Variants in NFU1 observed in about 807,000 individuals in gnomAD.
The protein encoded by NFU1 is NFU1 iron-sulfur cluster scaffold homolog, mitochondrial.
In NFU1, 30 loss-of-function variants were observed where a neutral mutation model predicts 32.2. The observed-to-expected ratio is 0.93, with a 90% confidence interval of 0.70 to 1.26. NFU1 has a LOEUF of 1.26. NFU1 is among the 50% of genes most tolerant of loss of function. The pLI, the probability that NFU1 is intolerant of heterozygous loss-of-function variation, is 0.00. For missense variants in NFU1, 306 were observed against 306.6 expected (o/e 1.00, Z 0.02); for synonymous variants, 112 against 104.6 (o/e 1.07, Z -0.43).
At chr2:69,426,266 C>G (rs1673451232) in intron 2 of NFU1, among the ~76,000 whole-genome samples, 1 of 152,076 alleles carries the variant, frequency 6.6e-6, no homozygotes, top group Non-Finnish European at 1.5e-5. Flanking sequence ...GCCACTGTGC[C>G]TAGCCTAAAA....
chr2:69,435,749 CTTTAT>C (rs773145481), intron 1 of NFU1, among the ~76,000 whole-genome samples: 1 of 152,090 alleles, frequency 6.6e-6, no homozygotes, highest in South Asian at 2.1e-4. Context: ...GCTGTCACCA[CTTTAT>C]TTTGAGATGG....
At chr2:69,424,685 A>G (rs1342265601) in intron 2 of NFU1, among the ~76,000 whole-genome samples, 4 of 152,122 alleles carry the variant, frequency 2.6e-5, no homozygotes, top group African/African-American at 4.8e-5. Context: ...AGTCCTATAT[A>G]TAGTCTATTT....
intron 6 of NFU1, among the ~76,000 whole-genome samples, chr2:69,403,464 C>A (rs1672591167): frequency 6.6e-6 from 1 of 151,864 alleles, no homozygotes; most frequent in Non-Finnish European, 1.5e-5. Context: ...GATCACAGCC[C>A]ACTGCAGCCT....
chr2:69,439,336 A>C (rs1415143582), upstream of NFU1, among the ~76,000 whole-genome samples: 1 of 152,100 alleles, frequency 6.6e-6, no homozygotes, highest in African/African-American at 2.4e-5. Flanking sequence ...CAGTTCTTAA[A>C]GATGGTGTGT....
upstream of NFU1, among the ~76,000 whole-genome samples, chr2:69,438,279 G>GATA (rs940468629): frequency 2.0e-4 from 30 of 151,514 alleles, no homozygotes; most frequent in African/African-American, 6.5e-4. Flanking sequence ...CAGAGACAGG[G>GATA]TCTATCTCTG....
intron 6 of NFU1, among the ~76,000 whole-genome samples, chr2:69,401,432 T>C (rs572072776): frequency 3.9e-5 from 6 of 152,360 alleles, no homozygotes; most frequent in East Asian, 1.9e-4. Context: ...TTGCTGAGTA[T>C]AGTACTAGGT....
At chr2:69,435,216 T>C (rs1354567750) in intron 1 of NFU1, among the ~76,000 whole-genome samples, 1 of 152,202 alleles carries the variant, frequency 6.6e-6, no homozygotes, top group African/African-American at 2.4e-5. Context: ...ATAAACTAAA[T>C]GTCTCCCAAA....
At chr2:69,419,267 C>A (rs969708956) in intron 4 of NFU1, among the ~76,000 whole-genome samples, 11 of 151,686 alleles carry the variant, frequency 7.3e-5, no homozygotes, top group Admixed American at 2.0e-4. Flanking sequence ...GCAGAGGTGG[C>A]AGTGAGCCAA....
rs1672678369 is a variant in NFU1 at position 69,405,875 on chromosome 2, C to CAA, written c.545+145_545+146dup. ...GTAGAGAAGATACAGGCTTTAAATT[C>CAA]AATTGTCACGGCTACCTGTTGTGGT... On this transcript the variant is annotated intron_variant, in intron 6 of 7. Transcript: ENST00000410022. 4 of 611,398 alleles carry CAA rather than the reference C, an allele frequency of 6.5e-6. No individual in the cohort carries two copies. The East Asian group carries it at 1.1e-4, about 17-fold the overall frequency. 37.9% of individuals were successfully genotyped at this position (611,398 alleles called of 1,614,324 possible). A position where few individuals can be genotyped will look rare whatever the true frequency, so the allele number is the denominator to read the frequency against.
intron 4 of NFU1, among the ~76,000 whole-genome samples, chr2:69,417,070 A>G (rs1475291559): frequency 6.6e-6 from 1 of 152,190 alleles, no homozygotes; most frequent in African/African-American, 2.4e-5. Flanking sequence ...TCAGATCTTC[A>G]GTAAATAGCA....
At chr2:69,406,201 G>A in intron 5 of NFU1, 119 bp from the exon 6 acceptor site, 1 of 661,712 alleles carries the variant, frequency 1.5e-6, no homozygotes, top group Non-Finnish European at 2.7e-6. Flanking sequence ...ACTATAGAAA[G>A]AACATGTAAC....
chr2:69,419,281 C>T (rs978513117), intron 4 of NFU1, among the ~76,000 whole-genome samples: 5 of 151,752 alleles, frequency 3.3e-5, no homozygotes, highest in African/African-American at 9.7e-5. Flanking sequence ...GAGCCAAGAT[C>T]GCACCATCAC....
intron 1 of NFU1, 22 bp downstream of exon 1, chr2:69,437,339 G>C (rs748919626): frequency 6.2e-6 from 10 of 1,602,080 alleles, no homozygotes; most frequent in Non-Finnish European, 8.5e-6. Flanking sequence ...CACCTATTCG[G>C]AGCTCCAGGC....
chr2:69,434,940 C>T (rs1258232339), intron 1 of NFU1, among the ~76,000 whole-genome samples: 1 of 152,194 alleles, frequency 6.6e-6, no homozygotes, highest in Non-Finnish European at 1.5e-5. Flanking sequence ...CTCCTGAGTG[C>T]TCAGCCCGTT....
rs533412929 is a variant in NFU1 at position 69,432,052 on chromosome 2, T to G, written c.63-47A>C. 6 of 1,320,482 alleles carry G rather than the reference T, an allele frequency of 4.5e-6. No individual in the cohort carries two copies. In the African/African-American group the frequency reaches 5.8e-5, roughly 13 times the overall value. The allele number at this position is 1,320,482 out of a possible 1,614,324, so 81.8% of individuals were successfully genotyped here. On this transcript the variant is annotated intron_variant, in intron 1 of 7. Coordinates refer to ENST00000410022, the MANE Select transcript of NFU1 (RefSeq NM_001002755.4). ...GAATGACATTTTAAGAGCTCTAATC[T>G]TTTAAAGTTGGTTTCTACTTCTCAT...
intron 3 of NFU1, among the ~76,000 whole-genome samples, chr2:69,419,868 C>G (rs1673182815): frequency 1.3e-5 from 2 of 152,166 alleles, no homozygotes; most frequent in South Asian, 4.1e-4. Context: ...AAAATAGCCA[C>G]ACATACAGAA....
intron 1 of NFU1, 111 bp downstream of exon 1, chr2:69,437,250 T>C: frequency 6.6e-7 from 1 of 1,504,558 alleles, no homozygotes; most frequent in Admixed American, 2.2e-5. Context: ...ACCCGCCGGC[T>C]CCATCAGATG....
At chr2:69,404,638 T>TTTTTTTTTTTTTTTTTTTTTTA (rs1672638399) in intron 6 of NFU1, among the ~76,000 whole-genome samples, 4 of 135,730 alleles carry the variant, frequency 2.9e-5, no homozygotes, top group Non-Finnish European at 4.6e-5. Context: ...TTTTTTTTTT[T>TTTTTTTTTTTTTTTTTTTTTTA]GAGAAAGAGT....
intron 4 of NFU1, among the ~76,000 whole-genome samples, chr2:69,419,079 C>T (rs1047607158): frequency 2.0e-5 from 3 of 151,886 alleles, no homozygotes; most frequent in African/African-American, 7.3e-5. Context: ...ATTTGGAGGC[C>T]GAGGCGGGTG....
Sources: gnomAD v4.1 joint callset for allele counts (sites outside exome capture counted in the v4.1 genomes callset) on GRCh38, gnomAD v4.1.1 for gene constraint, MANE v1.5 for transcripts, NCBI Gene and HGNC (gene_info 2026-07-23, HGNC 2026-07-21) for gene names.